FUT8: variants seen among roughly 807,000 people sequenced by gnomAD.
FUT8 encodes the protein alpha-(1,6)-fucosyltransferase.
In FUT8, 29 loss-of-function variants were observed where a neutral mutation model predicts 71.3. The ratio of observed to expected loss-of-function variants is 0.41; its 90% confidence interval spans 0.30 to 0.55. The LOEUF is 0.55. Among genes scored for constraint, FUT8 ranks in the 20% least tolerant of loss-of-function variants. The pLI, the probability that FUT8 is intolerant of heterozygous loss-of-function variation, is 0.34. For missense variants in FUT8, 544 were observed against 702.1 expected, an observed-to-expected ratio of 0.77 and a Z score of 2.55; for synonymous variants, 254 against 239.3, an observed-to-expected ratio of 1.06 and a Z score of -0.57.
intron 2 of FUT8, among the ~76,000 whole-genome samples, chr14:65,543,914 TAAGGTAGAATAGA>T (rs1367238948): frequency 6.6e-6 from 1 of 152,192 alleles, no homozygotes; most frequent in African/African-American, 2.4e-5. Flanking sequence ...ACAGATATGC[TAAGGTAGAATAGA>T]AAGATGAAAA....
intron 2 of FUT8, among the ~76,000 whole-genome samples, chr14:65,460,972 TAA>T (rs1429093431): frequency 6.6e-6 from 1 of 152,204 alleles, no homozygotes; most frequent in Non-Finnish European, 1.5e-5. Flanking sequence ...AGTGGACTGG[TAA>T]AGTCATGTTA....
intron 2 of FUT8, among the ~76,000 whole-genome samples, chr14:65,520,398 A>C (rs891986829): frequency 6.6e-6 from 1 of 152,066 alleles, no homozygotes; most frequent in African/African-American, 2.4e-5. Context: ...ATTAGAGGAG[A>C]GAAGACATGT....
At chr14:65,513,590 T>C (rs776975855) in intron 2 of FUT8, among the ~76,000 whole-genome samples, 6 of 152,278 alleles carry the variant, frequency 3.9e-5, no homozygotes, top group Non-Finnish European at 8.8e-5. Context: ...AATCTTCTTA[T>C]TAAAATTAGA....
In FUT8 at chr14:65,722,688, C is replaced by T. The variant is rs943051589; in HGVS notation, c.1082+667C>T. ...AGCCCACTGAACAATTCCAATTTCC[C>T]CAGAAAAAGAGTGATTATGAAGGAT... On this transcript the variant is annotated intron_variant, in intron 8 of 10. Transcript: ENST00000673929. Among the ~76,000 whole-genome samples, 36 of 151,982 alleles carry T rather than the reference C, an allele frequency of 2.4e-4. 1 individual carries two copies. Among genetic ancestry groups the T allele is most frequent in the Non-Finnish European group, 1.0e-4 (7 of 68,000 alleles).
chr14:65,503,874 G>A (rs1354219862), intron 2 of FUT8, among the ~76,000 whole-genome samples: 1 of 152,144 alleles, frequency 6.6e-6, no homozygotes, highest in Non-Finnish European at 1.5e-5. Context: ...CTCAATGTTA[G>A]GATCCTTAAC....
rs146546684 is a variant in FUT8, at chr14:65,707,398, T to C, written c.836-14377T>C. The stretch of plus-strand genomic sequence containing the variant: ...TTGAGTTGCTTATTATTATAGATAT[T>C]AGCCCTTTGTTGGGTGTATGGCTTG... On this transcript the variant is annotated intron_variant, in intron 7 of 10. Coordinates refer to ENST00000673929, the MANE Select transcript of FUT8 (RefSeq NM_001371533.1). 4.5e-3 allele frequency among the ~76,000 whole-genome samples: 683 copies of C among 152,322 alleles called. 4 individuals carry two copies. Among genetic ancestry groups the C allele is most frequent in the African/African-American group, 0.014 (577 of 41,578 alleles).
At chr14:65,470,817 G>GA (rs1281252321) in intron 2 of FUT8, among the ~76,000 whole-genome samples, 4 of 151,964 alleles carry the variant, frequency 2.6e-5, no homozygotes, top group Non-Finnish European at 5.9e-5. Context: ...TCAGGCCCCT[G>GA]AAGCTCAGCC....
chr14:65,565,132 A>G (rs1194565322), intron 3 of FUT8, among the ~76,000 whole-genome samples: 1 of 152,026 alleles, frequency 6.6e-6, no homozygotes, highest in Non-Finnish European at 1.5e-5. Flanking sequence ...TAAGAGAGGA[A>G]GCAAGACAGA....
chr14:65,651,673 A>C (rs1891413699), intron 6 of FUT8, among the ~76,000 whole-genome samples: 1 of 152,246 alleles, frequency 6.6e-6, no homozygotes, highest in South Asian at 2.1e-4. Context: ...GAAAAAATAG[A>C]AAGTGTCACC....
intron 1 of FUT8, among the ~76,000 whole-genome samples, chr14:65,432,850 C>T (rs1013325825): frequency 2.0e-5 from 3 of 151,988 alleles, no homozygotes; most frequent in Non-Finnish European, 4.4e-5. Flanking sequence ...CCTTATTTAC[C>T]GTATCATCAA....
the FUT8 span, among the ~76,000 whole-genome samples, chr14:65,387,311 A>T: frequency 5.3e-5 from 8 of 152,236 alleles, no homozygotes; most frequent in South Asian, 6.2e-4. Flanking sequence ...TGAATCCTCA[A>T]CCTGATGCTC....
At chr14:65,539,107 ACAT>A (rs577204196) in intron 2 of FUT8, among the ~76,000 whole-genome samples, 46 of 152,344 alleles carry the variant, frequency 3.0e-4, no homozygotes, top group African/African-American at 9.1e-4. Context: ...TCACATCGAT[ACAT>A]GGTAGTCACT....
intron 10 of FUT8, among the ~76,000 whole-genome samples, chr14:65,740,266 A>C (rs1007152062): frequency 6.6e-6 from 1 of 152,036 alleles, no homozygotes; most frequent in African/African-American, 2.4e-5. Flanking sequence ...CTATCACTAA[A>C]ATTTGCATAA....
intron 2 of FUT8, chr14:65,458,124 G>A (rs1430438360): frequency 6.6e-6 from 1 of 150,854 alleles, no homozygotes; most frequent in Non-Finnish European, 1.5e-5. Context: ...AGAGCTTGCA[G>A]TGAGCCGAGA....
chr14:65,553,353 A>T (rs2411815), intron 2 of FUT8, among the ~76,000 whole-genome samples: 104,694 of 151,918 alleles, frequency 0.69, 36,321 homozygotes, highest in East Asian at 0.86. Context: ...CTCATCTTTT[A>T]AATATTCTGT....
intron 7 of FUT8, among the ~76,000 whole-genome samples, chr14:65,674,583 A>T (rs1892620730): frequency 6.6e-6 from 1 of 152,218 alleles, no homozygotes; most frequent in Admixed American, 6.5e-5. Flanking sequence ...TTCTGAGAAT[A>T]ACTTCTAGAC....
intron 2 of FUT8, among the ~76,000 whole-genome samples, chr14:65,532,517 G>A (rs1884021211): frequency 1.3e-5 from 2 of 152,026 alleles, no homozygotes; most frequent in African/African-American, 4.8e-5. Context: ...GTTCCTTATA[G>A]ATGTTGGAAA....
intron 1 of FUT8, among the ~76,000 whole-genome samples, chr14:65,429,304 T>C (rs1338885188): frequency 6.6e-6 from 1 of 152,180 alleles, no homozygotes; most frequent in African/African-American, 2.4e-5. Context: ...TGAACTTTAT[T>C]TTTACCCAAC....
chr14:65,378,055 G>C, the FUT8 span, among the ~76,000 whole-genome samples: 1 of 152,308 alleles, frequency 6.6e-6, no homozygotes, highest in Admixed American at 6.5e-5. Context: ...CATAAATTAA[G>C]CTATTATTAG....
Sources: allele counts gnomAD v4.1 joint callset (sites outside exome capture counted in the v4.1 genomes callset), GRCh38; gene constraint gnomAD v4.1.1; transcripts MANE v1.5; gene names NCBI Gene and HGNC (gene_info 2026-07-23, HGNC 2026-07-21).